Variants in CDH7 observed in about 807,000 individuals in gnomAD.
CDH7 encodes the protein cadherin 7.
In CDH7, 25 loss-of-function variants were observed where a neutral mutation model predicts 71.8. The observed-to-expected ratio is 0.35, with a 90% CI of 0.25 to 0.49. The LOEUF is 0.49. CDH7 is among the 20% of genes least tolerant of loss of function. CDH7 has a pLI of 0.99. For missense variants in CDH7, 862 were observed against 974.6 expected, an observed-to-expected ratio of 0.88 and a Z score of 1.54; for synonymous variants, 381 against 363.8, an observed-to-expected ratio of 1.05 and a Z score of -0.54.
chr18:65,843,694 G>T, intron 6 of CDH7, 118 bp from the exon 7 acceptor site: 1 of 833,018 alleles, frequency 1.2e-6, no homozygotes, highest in Non-Finnish European at 1.8e-6. Context: ...TTTGGATGCT[G>T]ATGGTGCATT....
At chr18:65,792,185 CTTT>C (rs71167149) in intron 2 of CDH7, among the ~76,000 whole-genome samples, 5,918 of 103,792 alleles carry the variant, frequency 0.057, 451 homozygotes, top group African/African-American at 0.2. Context: ...TGCAGCCAGT[CTTT>C]TTTTTTTTTT....
Position 65,887,708 on chromosome 18 carries a change from A to G in CDH7, c.*6814A>G, listed in dbSNP as rs929193545. The G allele has an allele frequency of 1.3e-5, 2 of 152,160 alleles. No individual in the cohort carries two copies. The highest frequency in any genetic ancestry group is 2.9e-5 in the Non-Finnish European group (2 of 68,016). The allele number at this position is 152,160 out of a possible 1,614,324, so 9.4% of individuals were successfully genotyped here. A position where few individuals can be genotyped will look rare whatever the true frequency, so the allele number is the denominator to read the frequency against. ...AATGACTTTTAAATATTTTCTTTTTAGCTTTTAAGATGTCTATTAGATCCA... is the reference window on the plus strand; with the variant it reads ...AATGACTTTTAAATATTTTCTTTTTGGCTTTTAAGATGTCTATTAGATCCA... On this transcript the variant is annotated 3_prime_UTR_variant, in exon 12 of 12. Transcript: ENST00000397968.
At chr18:65,796,562 A>T (rs1910923960) in intron 2 of CDH7, among the ~76,000 whole-genome samples, 2 of 152,090 alleles carry the variant, frequency 1.3e-5, no homozygotes, top group African/African-American at 4.8e-5. Flanking sequence ...TTTAGACGAG[A>T]TGTACAGAGT....
chr18:65,775,598 AAAG>A lies in CDH7; in HGVS notation c.210+12555_210+12557del, dbSNP rs1208953279. Among the ~76,000 whole-genome samples, 15 of 152,330 alleles carry A rather than the reference AAAG, an allele frequency of 9.8e-5. No homozygotes were observed. The East Asian group carries it at 2.3e-3, about 23-fold the overall frequency. On this transcript the variant is annotated intron_variant, in intron 2 of 11. Coordinates refer to ENST00000397968, the MANE Select transcript of CDH7 (RefSeq NM_004361.5). The stretch of plus-strand genomic sequence containing the variant: ...CTTTTGTCTTCCTTGGACCACGTTG[AAAG>A]AAGAAGAATTGTCTTGGACCAAACA...
Position 65,881,078 on chromosome 18 carries a change from T to C in CDH7, c.*184T>C, listed in dbSNP as rs1914216572. ...TCTGCCTTGGTGAGGCATATCTTCATTAGACTTATCTAAAGGACTGCACTG... is the reference window on the plus strand; with the variant it reads ...TCTGCCTTGGTGAGGCATATCTTCACTAGACTTATCTAAAGGACTGCACTG... On this transcript the variant is annotated 3_prime_UTR_variant, in exon 12 of 12. Coordinates refer to ENST00000397968, the MANE Select transcript of CDH7 (RefSeq NM_004361.5). The C allele has an allele frequency of 5.0e-5, 30 of 600,960 alleles. No individual in the cohort carries two copies. The highest frequency in any genetic ancestry group is 7.5e-5 in the Non-Finnish European group (27 of 361,238). The allele number at this position is 600,960 out of a possible 1,614,324, so 37.2% of individuals were successfully genotyped here. A position where few individuals can be genotyped will look rare whatever the true frequency, so the allele number is the denominator to read the frequency against.
At chr18:65,778,287 A>T (rs199963550) in intron 2 of CDH7, among the ~76,000 whole-genome samples, 51,749 of 141,132 alleles carry the variant, frequency 0.37, 10,441 homozygotes, top group African/African-American at 0.54. Flanking sequence ...AAAAAAAAAA[A>T]AAAAAAAAAA....
intron 7 of CDH7, among the ~76,000 whole-genome samples, chr18:65,850,173 A>ATATATATATATAT (rs145348057): frequency 7.3e-4 from 48 of 65,312 alleles, no homozygotes; most frequent in Middle Eastern, 8.6e-3. Flanking sequence ...CACTATATAT[A>ATATATATATATAT]ATATATATAT....
chr18:65,793,955 A>C (rs1488184295), intron 2 of CDH7, among the ~76,000 whole-genome samples: 2 of 152,106 alleles, frequency 1.3e-5, no homozygotes, highest in Non-Finnish European at 2.9e-5. Context: ...GATTGTAGGA[A>C]AGCTGTGGGT....
chr18:65,805,455 C>T (rs914362646), intron 2 of CDH7, among the ~76,000 whole-genome samples: 9 of 152,090 alleles, frequency 5.9e-5, no homozygotes, highest in East Asian at 3.9e-4. Flanking sequence ...CTAGAATTTT[C>T]GGTTAAATCC....
At chr18:65,875,691 C>G (rs916095474) in intron 11 of CDH7, among the ~76,000 whole-genome samples, 1 of 152,116 alleles carries the variant, frequency 6.6e-6, no homozygotes, top group Non-Finnish European at 1.5e-5. Context: ...AGCTCAAGAC[C>G]AGCCTGGGCA....
At chr18:65,770,893 C>T (rs1205647935) in intron 2 of CDH7, among the ~76,000 whole-genome samples, 1 of 152,054 alleles carries the variant, frequency 6.6e-6, no homozygotes, top group Non-Finnish European at 1.5e-5. Flanking sequence ...GTTCTGGTTT[C>T]CATAACAAAA....
chr18:65,858,849 G>A, intron 8 of CDH7, 76 bp from the exon 9 acceptor site: 2 of 1,421,706 alleles, frequency 1.4e-6, no homozygotes, highest in Non-Finnish European at 2.0e-6. Flanking sequence ...TTCATTCTCA[G>A]CTTCGTCATT....
chr18:65,803,348 T>C (rs1220030336), intron 2 of CDH7: 2 of 152,220 alleles, frequency 1.3e-5, no homozygotes, highest in African/African-American at 4.8e-5. Context: ...GTATTTTTTC[T>C]TTTCATTTGT....
chr18:65,874,966 C>T (rs1021706567), intron 11 of CDH7, among the ~76,000 whole-genome samples: 1 of 152,138 alleles, frequency 6.6e-6, no homozygotes, highest in Non-Finnish European at 1.5e-5. Context: ...GCATGTGGAG[C>T]AAGCTTGTTC....
chr18:65,858,855 T>C, intron 8 of CDH7, 70 bp from the exon 9 acceptor site: 4 of 1,467,840 alleles, frequency 2.7e-6, no homozygotes, highest in South Asian at 1.2e-5. Flanking sequence ...CTCAGCTTCG[T>C]CATTTTATTA....
At chr18:65,836,421 G>T (rs1912534991) in intron 6 of CDH7, among the ~76,000 whole-genome samples, 2 of 151,972 alleles carry the variant, frequency 1.3e-5, no homozygotes, top group African/African-American at 4.8e-5. Flanking sequence ...TGGTTACTTT[G>T]ATGATAATAT....
chr18:65,854,420 G>C (rs56286731), intron 7 of CDH7, among the ~76,000 whole-genome samples: 12,391 of 152,150 alleles, frequency 0.081, 1,664 homozygotes, highest in African/African-American at 0.28. Flanking sequence ...TAGAGTCCTA[G>C]GTTATAACTA....
intron 7 of CDH7, among the ~76,000 whole-genome samples, chr18:65,854,060 T>G (rs1913259270): frequency 6.6e-6 from 1 of 150,562 alleles, no homozygotes; most frequent in South Asian, 2.1e-4. Flanking sequence ...ATCCTAACAC[T>G]TTGAGAGGCT....
At chr18:65,850,259 T>G (rs927168113) in intron 7 of CDH7, among the ~76,000 whole-genome samples, 1 of 149,834 alleles carries the variant, frequency 6.7e-6, no homozygotes, top group Non-Finnish European at 1.5e-5. Context: ...GTGTAAATCA[T>G]AGAGAATTAT....
Sources: gnomAD v4.1 joint callset for allele counts (sites outside exome capture counted in the v4.1 genomes callset) on GRCh38, gnomAD v4.1.1 for gene constraint, MANE v1.5 for transcripts, NCBI Gene and HGNC (gene_info 2026-07-23, HGNC 2026-07-21) for gene names.